Variants in ACO1 observed in about 807,000 individuals in gnomAD.
ACO1 encodes the protein aconitase 1.
In ACO1, 78 loss-of-function variants were observed where a neutral mutation model predicts 105.1. That is an observed-to-expected ratio of 0.74 (90% CI 0.62 to 0.90). The LOEUF is 0.90. Among genes scored for constraint, ACO1 ranks in the 40% least tolerant of loss-of-function variants. ACO1 has a pLI of 0.00. For synonymous variants in ACO1, 364 were observed against 397.4 expected, an observed-to-expected ratio of 0.92 and a Z score of 1.00; for missense variants, 965 against 1,111.1, an observed-to-expected ratio of 0.87 and a Z score of 1.87.
At chr9:32,426,395 G>A (rs1333157664) in intron 11 of ACO1, among the ~76,000 whole-genome samples, 1 of 152,196 alleles carries the variant, frequency 6.6e-6, no homozygotes, top group Non-Finnish European at 1.5e-5. Flanking sequence ...TTCTCAGTGA[G>A]GGCACAGGGC....
chr9:32,425,841 G>T lies in ACO1; in HGVS notation c.1192G>T (p.Gly398Ter). Residue 398 changes from glycine (G) to a stop codon, truncating the protein, a stop_gained, in exon 11 of 21, where the codon GGA (glycine) becomes TGA (stop). Coordinates refer to ENST00000309951, the MANE Select transcript of ACO1 (RefSeq NM_002197.3). LOFTEE classifies it high-confidence loss of function. ...DFESCLGAKQ[G>*]FKGFQVAPEH... is the part of the protein sequence containing the mutation. ...TATACATTTTTTCTTCCTTTAGCAA[G>T]GATTTAAAGGATTCCAAGTTGCTCC... 6.2e-7 allele frequency: 1 copy of T among 1,607,960 alleles called. No individual in the cohort carries two copies. The highest frequency in any genetic ancestry group is 8.5e-7 in the Non-Finnish European group (1 of 1,175,842).
chr9:32,418,979 C>T, intron 6 of ACO1, 59 bp from the exon 7 acceptor site: 4 of 1,472,980 alleles, frequency 2.7e-6, no homozygotes, highest in South Asian at 3.0e-5. Context: ...TAAATTTATA[C>T]CTGAGAGATA....
intron 1 of ACO1, among the ~76,000 whole-genome samples, chr9:32,395,133 T>A (rs928621719): frequency 2.0e-4 from 31 of 152,286 alleles, no homozygotes; most frequent in African/African-American, 7.5e-4. Flanking sequence ...TTGTAATACT[T>A]TTTTTTGAAA....
intron 4 of ACO1, among the ~76,000 whole-genome samples, chr9:32,411,869 C>A (rs898876015): frequency 6.6e-6 from 1 of 151,956 alleles, no homozygotes; most frequent in African/African-American, 2.4e-5. Flanking sequence ...CCCTTTATAT[C>A]ATTTATTTAT....
intron 18 of ACO1, among the ~76,000 whole-genome samples, chr9:32,437,588 C>T (rs75714679): frequency 1.2e-3 from 182 of 152,290 alleles, no homozygotes; most frequent in Non-Finnish European, 1.3e-3. Flanking sequence ...GTGTACCACA[C>T]GCATTTACAA....
In ACO1 at chr9:32,450,153, C is replaced by A; in HGVS notation, c.*42C>A. The A allele has an allele frequency of 6.6e-7, 1 of 1,524,194 alleles. No individual in the cohort carries two copies. The allele number at this position is 1,524,194 out of a possible 1,614,324, so 94.4% of individuals were successfully genotyped here. Reference sequence around the variant, plus strand: ...GCTGCGCCCAGGGAGGAAGCCGCACCACCAGCCAGCGCAGGCCCTGGTGGA... The same window carrying A: ...GCTGCGCCCAGGGAGGAAGCCGCACAACCAGCCAGCGCAGGCCCTGGTGGA... On this transcript the variant is annotated 3_prime_UTR_variant, in exon 21 of 21. Transcript: ENST00000309951.
chr9:32,438,947 A>G (rs1039861265), intron 18 of ACO1, among the ~76,000 whole-genome samples: 2 of 152,250 alleles, frequency 1.3e-5, no homozygotes, highest in African/African-American at 4.8e-5. Flanking sequence ...ATACCTAGAG[A>G]TACACAGGCA....
intron 19 of ACO1, chr9:32,445,565 G>A: frequency 3.3e-6 from 1 of 300,776 alleles, no homozygotes; most frequent in Non-Finnish European, 6.8e-6. Context: ...ACCAGCTCCT[G>A]GATTCATTGA....
chr9:32,429,138 A>C (rs1369913639), intron 12 of ACO1, among the ~76,000 whole-genome samples: 1 of 152,220 alleles, frequency 6.6e-6, no homozygotes, highest in African/African-American at 2.4e-5. Context: ...TTATACAATA[A>C]TAGTAGTTAA....
chr9:32,434,309 C>T (rs542039612), intron 16 of ACO1, among the ~76,000 whole-genome samples: 16 of 152,260 alleles, frequency 1.1e-4, no homozygotes, highest in East Asian at 1.9e-4. Context: ...TTTGCAGCTG[C>T]GTTACTGTTG....
chr9:32,418,535 G>A (rs1456101143), intron 6 of ACO1, 24 bp downstream of exon 6: 8 of 1,591,660 alleles, frequency 5.0e-6, no homozygotes, highest in Non-Finnish European at 6.9e-6. Context: ...CATATATGCT[G>A]TTTTGGGGCA....
intron 4 of ACO1, among the ~76,000 whole-genome samples, chr9:32,411,906 TCTCA>T (rs1235399812): frequency 1.3e-5 from 2 of 152,160 alleles, no homozygotes; most frequent in African/African-American, 2.4e-5. Context: ...TGAGACAGGT[TCTCA>T]CTCTGTTCCC....
Position 32,452,977 on chromosome 9 carries a change from C to CCCCA in ACO1, c.*2866_*2867insCCCA, listed in dbSNP as rs1554664991. Reference sequence around the variant, plus strand: ...AATCAATCACCACCCCCCCCCCCCCCAAAAAAAAAAGTATCTTGGCCAGTG... The same window carrying CCCCA: ...AATCAATCACCACCCCCCCCCCCCCCCCCAAAAAAAAAAAGTATCTTGGCCAGTG... On this transcript the variant is annotated 3_prime_UTR_variant, in exon 21 of 21. Coordinates refer to ENST00000309951, the MANE Select transcript of ACO1 (RefSeq NM_002197.3). 2.2e-4 allele frequency: 20 copies of CCCCA among 91,914 alleles called. No homozygotes were observed. Among genetic ancestry groups the CCCCA allele is most frequent in the Admixed American group, 5.6e-4 (4 of 7,124 alleles). The allele number at this position is 91,914 out of a possible 1,614,324, so 5.7% of individuals were successfully genotyped here.
At chr9:32,410,482 C>G (rs567913989) in intron 4 of ACO1, among the ~76,000 whole-genome samples, 27 of 151,996 alleles carry the variant, frequency 1.8e-4, no homozygotes, top group African/African-American at 6.3e-4. Context: ...ATGGCGTGAA[C>G]TGGGGAGGCA....
intron 15 of ACO1, among the ~76,000 whole-genome samples, chr9:32,432,756 G>A (rs1822267790): frequency 6.6e-6 from 1 of 152,164 alleles, no homozygotes; most frequent in South Asian, 2.1e-4. Flanking sequence ...ATCTATTGCT[G>A]TGATATAGCA....
Position 32,421,013 on chromosome 9 carries a change from A to G in ACO1, c.956A>G (p.Tyr319Cys). The G allele has an allele frequency of 1.9e-6, 3 of 1,614,082 alleles. No individual in the cohort carries two copies. In the South Asian group the frequency reaches 3.3e-5, roughly 18 times the overall value. ...FFPVDEVSIT[Y>C]LVQTGRDEEK... ...CCAGTTGATGAAGTTAGTATCACGT[A>G]CCTGGTGCAAACAGGTAAGTGAAGG... Residue 319 changes from tyrosine to cysteine, a missense_variant, in exon 8 of 21, where the codon TAC (tyrosine) becomes TGC (cysteine). Transcript: ENST00000309951.
At chr9:32,434,524 C>T in intron 16 of ACO1, 35 bp from the exon 17 acceptor site, 1 of 1,611,930 alleles carries the variant, frequency 6.2e-7, no homozygotes, top group Non-Finnish European at 8.5e-7. Flanking sequence ...TTGGGAAAAC[C>T]TGGGCCAATG....
chr9:32,413,162 A>C (rs1158153962), intron 4 of ACO1, among the ~76,000 whole-genome samples: 1 of 152,164 alleles, frequency 6.6e-6, no homozygotes, highest in Non-Finnish European at 1.5e-5. Flanking sequence ...TGATAACCAA[A>C]TCTAGCAAAC....
intron 19 of ACO1, among the ~76,000 whole-genome samples, chr9:32,447,788 CTTTG>C (rs901194041): frequency 5.3e-5 from 8 of 152,232 alleles, no homozygotes; most frequent in Non-Finnish European, 7.4e-5. Flanking sequence ...GATACTATTA[CTTTG>C]TTTGTTAGTT....
Sources: gnomAD v4.1 joint callset for allele counts (sites outside exome capture counted in the v4.1 genomes callset) on GRCh38, gnomAD v4.1.1 for gene constraint, MANE v1.5 for transcripts, NCBI Gene and HGNC (gene_info 2026-07-23, HGNC 2026-07-21) for gene names.